Variants in RPS6KA5 observed in about 807,000 individuals in gnomAD.
RPS6KA5 encodes the protein ribosomal protein S6 kinase alpha-5.
Under a neutral mutation model 85.5 loss-of-function variants are expected in RPS6KA5, and 27 were observed. The ratio of observed to expected loss-of-function variants is 0.32; its 90% CI spans 0.23 to 0.44. The LOEUF is 0.44. RPS6KA5 is among the 20% of genes least tolerant of loss of function. The pLI is 1.00. For missense variants in RPS6KA5, 811 were observed against 980.9 expected, an observed-to-expected ratio of 0.83 and a Z score of 2.31; for synonymous variants, 334 against 348.2, an observed-to-expected ratio of 0.96 and a Z score of 0.46.
At chr14:91,003,532 A>G (rs2040873729) in intron 1 of RPS6KA5, among the ~76,000 whole-genome samples, 1 of 152,168 alleles carries the variant, frequency 6.6e-6, no homozygotes, top group South Asian at 2.1e-4. Context: ...CAGGAGCTCA[A>G]GTCTTCTCCA....
chr14:90,849,263 T>C lies in RPS6KA5; in HGVS notation c.*22811A>G, dbSNP rs2140090363. 1 of 152,354 alleles carries C rather than the reference T, an allele frequency of 6.6e-6. No individual in the cohort carries two copies. The highest frequency in any genetic ancestry group is 3.4e-3 in the Middle Eastern group (1 of 294). 9.4% of individuals were successfully genotyped at this position (152,354 alleles called of 1,614,324 possible). A position where few individuals can be genotyped will look rare whatever the true frequency, so the allele number is the denominator to read the frequency against. Reference sequence around the variant, plus strand: ...CAACAGAAAGGTTACAAGGCCACCTTCGCAACCAGCCCTTTGAAACTGGAA... The same window carrying C: ...CAACAGAAAGGTTACAAGGCCACCTCCGCAACCAGCCCTTTGAAACTGGAA... On this transcript the variant is annotated 3_prime_UTR_variant, in exon 17 of 17. Transcript: ENST00000614987.
rs2140580810 is a variant in RPS6KA5 at position 91,001,094 on chromosome 14, T to C, written c.169A>G (p.Thr57Ala). 1 of 1,570,550 alleles carries C rather than the reference T, an allele frequency of 6.4e-7. No homozygotes were observed. Among genetic ancestry groups the C allele is most frequent in the Non-Finnish European group, 8.7e-7 (1 of 1,151,016 alleles). ...ENFELLKVLGTGAYGKVFLVR... is the reference protein window; with the variant it reads ...ENFELLKVLGAGAYGKVFLVR... ...TAATTAACTTAAGACTTACCTCCAG[T>C]TCCTAGGACCTTCAGGAGCTCAAAA... The change falls in exon 2 of 17, where the codon ACT becomes GCT. Residue 57 changes from threonine to alanine, a missense_variant. Thr to Ala is a moderately conservative substitution (Grantham distance 58). Around this residue, in one of 3 missense-constraint regions of RPS6KA5, gnomAD observed 113 missense variants for 100.0 expected, o/e 1.13. Transcript: ENST00000614987.
chr14:91,053,958 C>T (rs8013649), intron 1 of RPS6KA5, among the ~76,000 whole-genome samples: 16,952 of 152,174 alleles, frequency 0.11, 1,248 homozygotes, highest in East Asian at 0.32. Context: ...CTGTAGTAGT[C>T]AAGACAGCAT....
chr14:90,903,054 A>C (rs1291769976), intron 8 of RPS6KA5, 85 bp from the exon 9 acceptor site: 1 of 1,156,668 alleles, frequency 8.6e-7, no homozygotes, highest in Non-Finnish European at 1.3e-6. Flanking sequence ...TAGGATTTTG[A>C]CTGGTAGGGA....
At chr14:90,977,515 T>C (rs2098398379) in intron 3 of RPS6KA5, among the ~76,000 whole-genome samples, 1 of 152,210 alleles carries the variant, frequency 6.6e-6, no homozygotes, top group African/African-American at 2.4e-5. Context: ...GACTGATTAG[T>C]AGCTAATCAA....
chr14:90,959,681 T>C (rs2038698729), intron 3 of RPS6KA5, among the ~76,000 whole-genome samples: 1 of 152,186 alleles, frequency 6.6e-6, no homozygotes, highest in Non-Finnish European at 1.5e-5. Flanking sequence ...TGTGGCCAGT[T>C]GTAGAGCATT....
intron 2 of RPS6KA5, among the ~76,000 whole-genome samples, chr14:90,983,159 C>T (rs893162586): frequency 4.6e-5 from 7 of 151,382 alleles, no homozygotes; most frequent in Non-Finnish European, 8.8e-5. Flanking sequence ...TGCCTGGAAT[C>T]CCAGCTACAC....
intron 1 of RPS6KA5, among the ~76,000 whole-genome samples, chr14:91,028,673 C>T (rs1005505255): frequency 2.0e-5 from 3 of 152,184 alleles, no homozygotes; most frequent in South Asian, 2.1e-4. Context: ...TGCCCACCAC[C>T]GCGCCCTGCT....
intron 7 of RPS6KA5, among the ~76,000 whole-genome samples, chr14:90,908,628 G>A (rs1269403138): frequency 6.6e-6 from 1 of 152,210 alleles, no homozygotes; most frequent in African/African-American, 2.4e-5. Context: ...CACTGGGAGT[G>A]GCGTGGTGAG....
In RPS6KA5 at chr14:90,862,689, C is replaced by T. The variant is rs1457397137; in HGVS notation, c.*9385G>A. On this transcript the variant is annotated 3_prime_UTR_variant, in exon 17 of 17. Transcript: ENST00000614987. Reference sequence around the variant, plus strand: ...ATGTTGCCCAGGCTGGTCTCCAACTCCTGGGCTAAAGCAATCCTTCCTCTT... The same window carrying T: ...ATGTTGCCCAGGCTGGTCTCCAACTTCTGGGCTAAAGCAATCCTTCCTCTT... 6.6e-6 allele frequency: 1 copy of T among 152,260 alleles called. No individual in the cohort carries two copies. Among genetic ancestry groups the T allele is most frequent in the East Asian group, 1.9e-4 (1 of 5,198 alleles). 9.4% of individuals were successfully genotyped at this position (152,260 alleles called of 1,614,324 possible). A position where few individuals can be genotyped will look rare whatever the true frequency, so the allele number is the denominator to read the frequency against.
chr14:91,043,016 C>T (rs890774016), intron 1 of RPS6KA5, among the ~76,000 whole-genome samples: 1 of 152,126 alleles, frequency 6.6e-6, no homozygotes, highest in Non-Finnish European at 1.5e-5. Flanking sequence ...ATTCACTCCT[C>T]AATCCATTCC....
intron 5 of RPS6KA5, among the ~76,000 whole-genome samples, chr14:90,940,396 C>T (rs909988501): frequency 2.6e-5 from 4 of 152,138 alleles, no homozygotes; most frequent in South Asian, 2.1e-4. Context: ...GCTGTTGACA[C>T]GACTAGCAGC....
At chr14:90,888,715 C>A (rs748791862) in intron 14 of RPS6KA5, among the ~76,000 whole-genome samples, 3 of 151,992 alleles carry the variant, frequency 2.0e-5, no homozygotes, top group Non-Finnish European at 4.4e-5. Flanking sequence ...CATAAACTTG[C>A]GGTGGGCATA....
chr14:90,921,987 C>A (rs2036422655), intron 6 of RPS6KA5, among the ~76,000 whole-genome samples: 1 of 152,136 alleles, frequency 6.6e-6, no homozygotes, highest in Non-Finnish European at 1.5e-5. Flanking sequence ...AAAGTTTCTT[C>A]TAGAATCTTC....
intron 2 of RPS6KA5, among the ~76,000 whole-genome samples, chr14:90,988,968 T>G (rs2040188095): frequency 6.6e-6 from 1 of 152,232 alleles, no homozygotes; most frequent in African/African-American, 2.4e-5. Context: ...TTGTTAAATT[T>G]TTATTAAAAA....
Sources: gnomAD v4.1 joint callset for allele counts (sites outside exome capture counted in the v4.1 genomes callset) on GRCh38, gnomAD v4.1.1 for gene constraint, gnomAD v4.1.1 regional missense constraint, MANE v1.5 for transcripts, NCBI Gene and HGNC (gene_info 2026-07-23, HGNC 2026-07-21) for gene names.